Variants in SMIM14 observed in about 807,000 individuals in gnomAD.
SMIM14 encodes small integral membrane protein 14.
A neutral mutation model predicts 12.6 loss-of-function variants in SMIM14; 5 were observed. That is an observed-to-expected ratio of 0.40 (90% confidence interval 0.21 to 0.83). The LOEUF (loss-of-function observed/expected upper bound fraction) is 0.83. SMIM14 is among the 40% of genes least tolerant of loss of function. The probability of loss-of-function intolerance (pLI) is 0.37; values close to 1 mark genes in which losing one functional copy is unlikely to be tolerated. For synonymous variants in SMIM14, 30 were observed against 40.1 expected (o/e 0.75, Z 0.95); for missense variants, 86 against 119.1 (o/e 0.72, Z 1.29).
rs1181290687 is a variant in SMIM14 at position 39,552,152 on chromosome 4, C to T, written c.274G>A (p.Asp92Asn). 2 of 1,592,672 alleles carry T rather than the reference C, an allele frequency of 1.3e-6. No homozygotes were observed. The highest frequency in any genetic ancestry group is 2.7e-5 in the African/African-American group (2 of 74,172). The change falls in exon 5 of 5, where the codon GAT becomes AAT. Residue 92 changes from aspartate (D) to asparagine (N), a missense_variant. Transcript: ENST00000295958. ...TAGTCCACAGGAGGAGCTGGTGGAT[C>T]TTGTCCCTGGCATTAGAAAGAAATA... is the stretch of plus-strand genomic sequence containing the variant. ...GKPTSPHNGQDPPAPPVD is the reference protein window; with the variant it reads ...GKPTSPHNGQNPPAPPVD
intron 2 of SMIM14, among the ~76,000 whole-genome samples, chr4:39,591,609 G>A (rs1714085073): frequency 6.6e-6 from 1 of 152,030 alleles, no homozygotes; most frequent in African/African-American, 2.4e-5. Flanking sequence ...AGGATGGAGT[G>A]CAGTGGTGTG....
chr4:39,603,793 C>A (rs1440238552), intron 2 of SMIM14, among the ~76,000 whole-genome samples: 1 of 151,774 alleles, frequency 6.6e-6, no homozygotes. Context: ...GGCAGATCAC[C>A]TGAGGTCAGG....
chr4:39,636,170 T>A (rs977250160), intron 1 of SMIM14, among the ~76,000 whole-genome samples: 28 of 59,946 alleles, frequency 4.7e-4, no homozygotes, highest in Non-Finnish European at 1.4e-4. Flanking sequence ...AGACTCCATC[T>A]CCCAAAAAAA....
At chr4:39,561,422 G>A (rs1032559129) in intron 3 of SMIM14, among the ~76,000 whole-genome samples, 1 of 152,050 alleles carries the variant, frequency 6.6e-6, no homozygotes, top group Non-Finnish European at 1.5e-5. Context: ...GGGCAAAATG[G>A]CTGGTGCTGA....
Position 39,549,381 on chromosome 4 carries a change from C to T in SMIM14, c.*2745G>A, listed in dbSNP as rs1218323434. ...CTTACTGCAACCTGTCTCCCAGGCT[C>T]AAGCGATTCTCCTGCCTCAGCCTCC... On this transcript the variant is annotated 3_prime_UTR_variant, in exon 5 of 5. Transcript: ENST00000295958. 1.3e-5 allele frequency: 2 copies of T among 152,108 alleles called. No homozygotes were observed. The highest frequency in any genetic ancestry group is 2.4e-5 in the African/African-American group (1 of 41,326). The allele number at this position is 152,108 out of a possible 1,614,324, so 9.4% of individuals were successfully genotyped here.
chr4:39,591,030 C>T (rs1213547216), intron 2 of SMIM14, among the ~76,000 whole-genome samples: 1 of 151,818 alleles, frequency 6.6e-6, no homozygotes, highest in African/African-American at 2.4e-5. Context: ...CCAGGAACCC[C>T]CCTCAGATTC....
At chr4:39,559,155 C>A (rs116148439) in intron 3 of SMIM14, among the ~76,000 whole-genome samples, 2 of 152,060 alleles carry the variant, frequency 1.3e-5, no homozygotes, top group Non-Finnish European at 2.9e-5. Flanking sequence ...ATTTTAGAGG[C>A]GAGACAAAGA....
intron 1 of SMIM14, among the ~76,000 whole-genome samples, chr4:39,626,402 C>G (rs1240471989): frequency 5.9e-5 from 9 of 152,198 alleles, no homozygotes; most frequent in Admixed American, 5.9e-4. Context: ...TTAAGAATCA[C>G]TTGAATTGGA....
At chr4:39,620,341 T>A (rs1484349216) in intron 1 of SMIM14, among the ~76,000 whole-genome samples, 4 of 151,948 alleles carry the variant, frequency 2.6e-5, no homozygotes, top group African/African-American at 9.7e-5. Context: ...TAGCCAGGCA[T>A]GGTGGCGGGC....
chr4:39,594,746 C>T lies in SMIM14; in HGVS notation c.75+10325G>A, dbSNP rs369810206. 24 of 147,434 alleles carry T rather than the reference C, an allele frequency of 1.6e-4. No homozygotes were observed. The East Asian group carries it at 3.6e-3, about 22-fold the overall frequency. The allele number at this position is 147,434 out of a possible 1,614,324, so 9.1% of individuals were successfully genotyped here. A position where few individuals can be genotyped will look rare whatever the true frequency, so the allele number is the denominator to read the frequency against. On this transcript the variant is annotated intron_variant, in intron 2 of 4. Transcript: ENST00000295958. ...ACCCCATCAAAAAGTGGGCAAAGGA[C>T]ATGAACAGACACTTCTCAAAAGAAG...
intron 1 of SMIM14, among the ~76,000 whole-genome samples, chr4:39,624,742 T>C (rs1715624207): frequency 6.9e-6 from 1 of 145,836 alleles, no homozygotes; most frequent in African/African-American, 2.6e-5. Flanking sequence ...AAGAATTGCT[T>C]GAACCTAGGA....
At chr4:39,621,939 C>T (rs895488541) in intron 1 of SMIM14, among the ~76,000 whole-genome samples, 12 of 151,784 alleles carry the variant, frequency 7.9e-5, no homozygotes, top group Non-Finnish European at 8.8e-5. Context: ...GCCTCAGCCT[C>T]CCAAAGTGCT....
At chr4:39,589,884 C>CA (rs1437662789) in intron 2 of SMIM14, among the ~76,000 whole-genome samples, 1 of 151,292 alleles carries the variant, frequency 6.6e-6, no homozygotes, top group Non-Finnish European at 1.5e-5. Context: ...ACTAAAAATA[C>CA]AAAAAATTAG....
chr4:39,581,513 T>C (rs1212290745), intron 2 of SMIM14, among the ~76,000 whole-genome samples: 1 of 145,418 alleles, frequency 6.9e-6, no homozygotes, highest in African/African-American at 2.5e-5. Context: ...TTTCCTTTTC[T>C]TTTTCTTTTT....
intron 3 of SMIM14, among the ~76,000 whole-genome samples, chr4:39,567,885 A>G (rs1712661887): frequency 6.6e-6 from 1 of 152,234 alleles, no homozygotes. Flanking sequence ...AGCCTGGGTG[A>G]CAAAGTGAGA....
chr4:39,561,068 G>A (rs7672282), intron 3 of SMIM14, among the ~76,000 whole-genome samples: 53,096 of 151,514 alleles, frequency 0.35, 11,527 homozygotes, highest in Middle Eastern at 0.49. Flanking sequence ...TACATGTTGA[G>A]TTTCCCTGTG....
intron 2 of SMIM14, among the ~76,000 whole-genome samples, chr4:39,586,341 G>C (rs964246034): frequency 6.6e-6 from 1 of 151,864 alleles, no homozygotes; most frequent in African/African-American, 2.4e-5. Context: ...CCTCAGCTAA[G>C]TATCCAACTT....
chr4:39,600,614 C>T (rs146094316), intron 2 of SMIM14, among the ~76,000 whole-genome samples: 4,333 of 152,198 alleles, frequency 0.028, 73 homozygotes, highest in Non-Finnish European at 0.048. Context: ...CGCTTGAATG[C>T]AGGAGGTGGA....
At chr4:39,632,380 T>G (rs1429539332) in intron 1 of SMIM14, among the ~76,000 whole-genome samples, 2 of 147,670 alleles carry the variant, frequency 1.4e-5, no homozygotes, top group African/African-American at 5.0e-5. Context: ...CTCAGGAGGC[T>G]GAGGCTGGAG....
Sources: gnomAD v4.1 joint callset for allele counts (sites outside exome capture counted in the v4.1 genomes callset) on GRCh38, gnomAD v4.1.1 for gene constraint, MANE v1.5 for transcripts, NCBI Gene and HGNC (gene_info 2026-07-23, HGNC 2026-07-21) for gene names.